Variants in EEA1 observed in about 807,000 individuals in gnomAD.
The protein encoded by EEA1 is early endosome antigen 1, 162kD.
Under a neutral mutation model 209.2 loss-of-function variants are expected in EEA1, and 111 were observed. The ratio of observed to expected loss-of-function variants is 0.53; its 90% CI spans 0.45 to 0.62. The LOEUF (loss-of-function observed/expected upper bound fraction) is 0.62, where lower values mean the gene tolerates loss of function less well. Among genes scored for constraint, EEA1 ranks in the 20% least tolerant of loss-of-function variants. EEA1 has a pLI of 0.00. For synonymous variants in EEA1, 536 were observed against 540.6 expected (o/e 0.99, Z 0.12); for missense variants, 1,343 against 1,530.8 (o/e 0.88, Z 2.05).
chr12:92,908,216 A>T (rs1592772227), intron 1 of EEA1, among the ~76,000 whole-genome samples: 2 of 152,242 alleles, frequency 1.3e-5, no homozygotes. Context: ...AGTGAAATAA[A>T]CCAGACACAA....
intron 21 of EEA1, 67 bp downstream of exon 21, chr12:92,798,825 A>T (rs1874766480): frequency 1.6e-6 from 2 of 1,261,014 alleles, no homozygotes; most frequent in African/African-American, 1.5e-5. Context: ...ATCTGTATTA[A>T]TCATCATACT....
intron 26 of EEA1, 21 bp downstream of exon 26, chr12:92,777,920 A>G: frequency 6.3e-7 from 1 of 1,588,580 alleles, no homozygotes; most frequent in Non-Finnish European, 8.6e-7. Flanking sequence ...AAATAAACTA[A>G]TTTTACTAGA....
At chr12:92,843,051 T>G (rs1877236933) in intron 9 of EEA1, among the ~76,000 whole-genome samples, 1 of 152,238 alleles carries the variant, frequency 6.6e-6, no homozygotes, top group Non-Finnish European at 1.5e-5. Flanking sequence ...AGAAAATATC[T>G]TTGTCCAAAG....
chr12:92,859,109 G>C, intron 3 of EEA1: 1 of 1,000,488 alleles, frequency 1.0e-6, no homozygotes, highest in South Asian at 1.4e-5. Flanking sequence ...TCTCAGAAGA[G>C]TGAGAGGGAG....
Position 92,777,934 on chromosome 12 carries a change from C to G in EEA1, c.3893+7G>C, listed in dbSNP as rs757897217. On this transcript the variant is annotated splice_region_variant and intron_variant, in intron 26 of 28. Transcript: ENST00000322349. ...GAAATAAACTAATTTTACTAGATAT[C>G]AATCACCTTTCCAGTAGTGCTCTCC... 5.6e-6 allele frequency: 9 copies of G among 1,603,174 alleles called. No individual in the cohort carries two copies. The highest frequency in any genetic ancestry group is 1.7e-4 in the Middle Eastern group (1 of 6,026).
intron 2 of EEA1, chr12:92,884,596 C>T (rs949948222): frequency 1.4e-6 from 2 of 1,455,550 alleles, no homozygotes; most frequent in Admixed American, 1.7e-5. Context: ...GAGGCAGAAG[C>T]CCTGGCCCCT....
chr12:92,827,530 C>T (rs949350271), intron 12 of EEA1, among the ~76,000 whole-genome samples: 9 of 152,136 alleles, frequency 5.9e-5, no homozygotes, highest in Non-Finnish European at 1.2e-4. Flanking sequence ...AAGCAAAAAT[C>T]TTTAAATGGA....
chr12:92,820,882 C>T (rs1443212084), intron 13 of EEA1, among the ~76,000 whole-genome samples: 1 of 151,966 alleles, frequency 6.6e-6, no homozygotes. Context: ...CTCACCCTGC[C>T]CTGGTCGGTA....
At chr12:92,867,752 A>T (rs1019717498) in intron 2 of EEA1, among the ~76,000 whole-genome samples, 1 of 152,218 alleles carries the variant, frequency 6.6e-6, no homozygotes, top group Non-Finnish European at 1.5e-5. Context: ...CAGGAGAAGT[A>T]TCCAACTCCA....
intron 2 of EEA1, among the ~76,000 whole-genome samples, chr12:92,877,788 C>T (rs907440358): frequency 2.0e-5 from 3 of 152,184 alleles, no homozygotes; most frequent in Admixed American, 1.3e-4. Context: ...TAGCCATGAG[C>T]CACCACGCCT....
In EEA1 at chr12:92,832,528, T is replaced by C. The variant is rs1335896152; in HGVS notation, c.1238A>G (p.Gln413Arg). ...AGCTCTTACTTGATTAATTTCACTT[T>C]GGAGTTGTAACCCATGCTGCTCCTT... ...EEKEQHGLQLQSEINQLHSKL... is the reference protein window; with the variant it reads ...EEKEQHGLQLRSEINQLHSKL... Residue 413 changes from glutamine (Q) to arginine (R), a missense_variant, in exon 11 of 29, where the codon CAA becomes CGA. Around this residue, in one of 3 missense-constraint regions of EEA1, gnomAD observed 1,307 missense variants for 1,465.5 expected, o/e 0.89. Coordinates refer to ENST00000322349, the MANE Select transcript of EEA1 (RefSeq NM_003566.4). 23 of 1,607,684 alleles carry C rather than the reference T, an allele frequency of 1.4e-5. No homozygotes were observed. Among genetic ancestry groups the C allele is most frequent in the Non-Finnish European group, 8.5e-7 (1 of 1,177,894 alleles).
chr12:92,789,064 G>A (rs1354569537), intron 21 of EEA1, among the ~76,000 whole-genome samples: 1 of 151,938 alleles, frequency 6.6e-6, no homozygotes, highest in Admixed American at 6.6e-5. Context: ...GCTGAGGTGG[G>A]TGATCACCTG....
At chr12:92,865,841 G>T (rs891116140) in intron 2 of EEA1, among the ~76,000 whole-genome samples, 2 of 151,354 alleles carry the variant, frequency 1.3e-5, no homozygotes, top group Non-Finnish European at 2.9e-5. Flanking sequence ...CCACCTCCTG[G>T]GTTCAAGCGA....
intron 1 of EEA1, among the ~76,000 whole-genome samples, chr12:92,921,001 C>T (rs2136787156): frequency 6.6e-6 from 1 of 151,126 alleles, no homozygotes; most frequent in East Asian, 1.9e-4. Context: ...TGAAAAAATG[C>T]TCATCATCAC....
intron 20 of EEA1, among the ~76,000 whole-genome samples, chr12:92,800,251 G>C (rs1410630739): frequency 2.0e-5 from 3 of 152,082 alleles, no homozygotes; most frequent in Non-Finnish European, 4.4e-5. Flanking sequence ...CTGTAGAATA[G>C]TTACCTCATT....
chr12:92,864,688 C>G (rs1176556689), intron 3 of EEA1, among the ~76,000 whole-genome samples, 172 bp downstream of exon 3: 1 of 151,970 alleles, frequency 6.6e-6, no homozygotes, highest in East Asian at 1.9e-4. Flanking sequence ...AGTTACTGGT[C>G]AAGGATTGAA....
intron 2 of EEA1, among the ~76,000 whole-genome samples, chr12:92,872,239 G>A (rs1244682245): frequency 6.6e-6 from 1 of 151,942 alleles, no homozygotes; most frequent in African/African-American, 2.4e-5. Context: ...AGTAGAAATG[G>A]GGTTTCACCA....
At chr12:92,892,450 G>GA (rs1354784600) in intron 1 of EEA1, among the ~76,000 whole-genome samples, 2 of 151,212 alleles carry the variant, frequency 1.3e-5, no homozygotes, top group Non-Finnish European at 2.9e-5. Context: ...CAAGGAAGAA[G>GA]AAAAAAAATC....
At chr12:92,906,618 C>T (rs1880396393) in intron 1 of EEA1, among the ~76,000 whole-genome samples, 1 of 152,144 alleles carries the variant, frequency 6.6e-6, no homozygotes, top group Non-Finnish European at 1.5e-5. Context: ...CGAGACCATC[C>T]TGGCTAACAC....
Sources: gnomAD v4.1 joint callset for allele counts (sites outside exome capture counted in the v4.1 genomes callset) on GRCh38, gnomAD v4.1.1 for gene constraint, gnomAD v4.1.1 regional missense constraint, MANE v1.5 for transcripts, NCBI Gene and HGNC (gene_info 2026-07-23, HGNC 2026-07-21) for gene names.